Variants in AEBP2 observed in about 807,000 individuals in gnomAD.
AEBP2 encodes AE binding protein 2.
Under a neutral mutation model 50.8 loss-of-function variants are expected in AEBP2, and 10 were observed. The ratio of observed to expected loss-of-function variants is 0.20; its 90% CI spans 0.12 to 0.33. AEBP2 has a LOEUF of 0.33. Among genes scored for constraint, AEBP2 ranks in the 10% least tolerant of loss-of-function variants. The pLI, the probability that AEBP2 is intolerant of heterozygous loss-of-function variation, is 1.00. For synonymous variants in AEBP2, 296 were observed against 261.3 expected (o/e 1.13, Z -1.28); for missense variants, 570 against 688.0 (o/e 0.83, Z 1.92).
intron 2 of AEBP2, among the ~76,000 whole-genome samples, chr12:19,469,235 T>C (rs1209501702): frequency 6.6e-6 from 1 of 152,188 alleles, no homozygotes; most frequent in Admixed American, 6.5e-5. Flanking sequence ...CCAAAAATAT[T>C]CTTTTAATGG....
chr12:19,479,357 T>C (rs1261383716), intron 3 of AEBP2, among the ~76,000 whole-genome samples: 1 of 152,116 alleles, frequency 6.6e-6, no homozygotes, highest in Non-Finnish European at 1.5e-5. Flanking sequence ...CCCCCACTAT[T>C]ATTTGGAAAA....
At chr12:19,445,009 C>G (rs1242908055) in intron 1 of AEBP2, among the ~76,000 whole-genome samples, 1 of 151,554 alleles carries the variant, frequency 6.6e-6, no homozygotes, top group Non-Finnish European at 1.5e-5. Context: ...ACCACAGGCA[C>G]CTGGCCCAAC....
In AEBP2 at chr12:19,521,311, A is replaced by G. The variant is rs1437275031; in HGVS notation, c.*3194A>G. The G allele has an allele frequency of 6.6e-6, 1 of 152,194 alleles. No individual in the cohort carries two copies. Among genetic ancestry groups the G allele is most frequent in the Non-Finnish European group, 1.5e-5 (1 of 68,024 alleles). The allele number at this position is 152,194 out of a possible 1,614,324, so 9.4% of individuals were successfully genotyped here. A position where few individuals can be genotyped will look rare whatever the true frequency, so the allele number is the denominator to read the frequency against. Reference sequence around the variant, plus strand: ...CATGTATTTTACAGTAAATACTGCCATATTAGGTACCTACAACAAATGGTG... The same window carrying G: ...CATGTATTTTACAGTAAATACTGCCGTATTAGGTACCTACAACAAATGGTG... On this transcript the variant is annotated 3_prime_UTR_variant, in exon 8 of 8. Coordinates refer to ENST00000266508, the MANE Select transcript of AEBP2 (RefSeq NM_153207.5).
At chr12:19,505,019 A>T (rs1186372572) in intron 5 of AEBP2, among the ~76,000 whole-genome samples, 1 of 152,206 alleles carries the variant, frequency 6.6e-6, no homozygotes, top group African/African-American at 2.4e-5. Context: ...AGGTGTCCTT[A>T]TTCTCTTTTA....
intron 1 of AEBP2, among the ~76,000 whole-genome samples, chr12:19,432,230 T>C (rs1450959308): frequency 6.6e-6 from 1 of 152,126 alleles, no homozygotes; most frequent in Non-Finnish European, 1.5e-5. Context: ...TCTAGGCCCA[T>C]GAAAGCATGT....
At chr12:19,432,229 A>G (rs958472207) in intron 1 of AEBP2, among the ~76,000 whole-genome samples, 2 of 152,208 alleles carry the variant, frequency 1.3e-5, no homozygotes, top group Admixed American at 6.5e-5. Flanking sequence ...GTCTAGGCCC[A>G]TGAAAGCATG....
At chr12:19,468,150 G>A (rs932129968) in intron 2 of AEBP2, among the ~76,000 whole-genome samples, 1 of 151,448 alleles carries the variant, frequency 6.6e-6, no homozygotes, top group Non-Finnish European at 1.5e-5. Flanking sequence ...GTGTGTGTGT[G>A]TGTGTGTATG....
upstream of AEBP2, among the ~76,000 whole-genome samples, chr12:19,436,340 C>A (rs1204598612): frequency 6.6e-6 from 1 of 152,098 alleles, no homozygotes; most frequent in African/African-American, 2.4e-5. Context: ...AATAATCTAC[C>A]CCTTGTTTAG....
intron 1 of AEBP2, among the ~76,000 whole-genome samples, chr12:19,450,469 A>G (rs79426512): frequency 0.031 from 4,520 of 148,048 alleles, 129 homozygotes; most frequent in Non-Finnish European, 0.039. Context: ...TGTGTTATGC[A>G]CTATGAATGT....
intron 1 of AEBP2, among the ~76,000 whole-genome samples, chr12:19,451,368 G>T (rs1443784959): frequency 1.3e-5 from 2 of 152,146 alleles, no homozygotes; most frequent in Non-Finnish European, 1.5e-5. Flanking sequence ...ACAGCTGGGG[G>T]TCAGAACAGC....
chr12:19,468,528 A>G (rs372817856), intron 2 of AEBP2, among the ~76,000 whole-genome samples: 1 of 152,142 alleles, frequency 6.6e-6, no homozygotes, highest in African/African-American at 2.4e-5. Flanking sequence ...TGGATTTTTC[A>G]TTTATTTACA....
upstream of AEBP2, among the ~76,000 whole-genome samples, chr12:19,436,011 G>A (rs554760883): frequency 9.8e-5 from 15 of 152,294 alleles, no homozygotes; most frequent in East Asian, 1.2e-3. Context: ...TGCATTCCCA[G>A]GAGGTTAGGC....
chr12:19,442,629 T>G (rs1337094676), intron 1 of AEBP2, among the ~76,000 whole-genome samples: 4 of 152,248 alleles, frequency 2.6e-5, no homozygotes, highest in African/African-American at 9.6e-5. Flanking sequence ...AGTTAAAACT[T>G]GATAACCAAG....
chr12:19,473,298 C>A lies in AEBP2; in HGVS notation c.930C>A (p.Thr310=). 7 of 1,553,284 alleles carry A rather than the reference C, an allele frequency of 4.5e-6. No homozygotes were observed. The South Asian group carries it at 8.6e-5, about 19-fold the overall frequency. ...KGCKVYNTPS[T]SQSWLQRHML... ...GTAAAGTATATAACACTCCATCTAC[C>A]AGTCAAAGTTGGTTACAAAGGCATA... Residue 310 remains threonine, a synonymous_variant, in exon 3 of 8, where the codon ACC becomes ACA. Coordinates refer to ENST00000266508, the MANE Select transcript of AEBP2 (RefSeq NM_153207.5).
At chr12:19,417,305 G>A (rs867249002) in intron 1 of AEBP2, among the ~76,000 whole-genome samples, 3 of 152,278 alleles carry the variant, frequency 2.0e-5, no homozygotes, top group Middle Eastern at 6.8e-3. Context: ...TGAAACATCA[G>A]ACATAAAGTA....
intron 1 of AEBP2, among the ~76,000 whole-genome samples, chr12:19,449,585 G>A (rs1948130703): frequency 6.6e-6 from 1 of 152,178 alleles, no homozygotes; most frequent in African/African-American, 2.4e-5. Flanking sequence ...AGTGAATGCT[G>A]CTGGGTCTTC....
chr12:19,483,043 G>T (rs1466736171), intron 3 of AEBP2, among the ~76,000 whole-genome samples: 1 of 152,120 alleles, frequency 6.6e-6, no homozygotes, highest in Non-Finnish European at 1.5e-5. Flanking sequence ...GCTCTGCGCT[G>T]GTATCTGCAG....
chr12:19,487,775 T>C (rs952806048), intron 3 of AEBP2, among the ~76,000 whole-genome samples: 2 of 152,022 alleles, frequency 1.3e-5, no homozygotes, highest in Non-Finnish European at 2.9e-5. Flanking sequence ...GTGAACTGTT[T>C]AGGGAAGAGC....
At chr12:19,500,067 A>G in intron 4 of AEBP2, 30 bp from the exon 5 acceptor site, 1 of 1,572,202 alleles carries the variant, frequency 6.4e-7, no homozygotes, top group Non-Finnish European at 8.6e-7. Flanking sequence ...GTTTTTCTAA[A>G]TATTCTTTAC....
Sources: gnomAD v4.1 joint callset for allele counts (sites outside exome capture counted in the v4.1 genomes callset) on GRCh38, gnomAD v4.1.1 for gene constraint, MANE v1.5 for transcripts, NCBI Gene and HGNC (gene_info 2026-07-23, HGNC 2026-07-21) for gene names.